Variants in EPB41L3 observed in about 807,000 individuals in gnomAD.
EPB41L3 encodes erythrocyte membrane protein band 4.1 like 3.
A neutral mutation model predicts 127.1 loss-of-function variants in EPB41L3; 57 were observed. The observed-to-expected ratio is 0.45, with a 90% CI of 0.36 to 0.56. The LOEUF (loss-of-function observed/expected upper bound fraction) is 0.56, where lower values mean the gene tolerates loss of function less well. EPB41L3 is among the 20% of genes least tolerant of loss of function. The probability of loss-of-function intolerance (pLI) is 0.00; values close to 1 mark genes in which losing one functional copy is unlikely to be tolerated. For synonymous variants in EPB41L3, 572 were observed against 549.5 expected (o/e 1.04, Z -0.57); for missense variants, 1,273 against 1,372.2 (o/e 0.93, Z 1.14).
chr18:5,469,451 C>A (rs1012345583), intron 3 of EPB41L3, among the ~76,000 whole-genome samples: 1 of 75,048 alleles, frequency 1.3e-5, no homozygotes, highest in African/African-American at 3.6e-5. Context: ...GCCAGCATGC[C>A]TGGCTGTGTG....
chr18:5,463,697 C>G (rs1408855243), intron 3 of EPB41L3: 1 of 152,208 alleles, frequency 6.6e-6, no homozygotes, highest in African/African-American at 2.4e-5. Context: ...GCCGACAACC[C>G]TAAGGAGTAT....
At chr18:5,435,182 T>A (rs2079580607) in intron 6 of EPB41L3, among the ~76,000 whole-genome samples, 1 of 152,068 alleles carries the variant, frequency 6.6e-6, no homozygotes, top group South Asian at 2.1e-4. Context: ...GTTACAAGAG[T>A]CAAAAAGTTT....
At chr18:5,481,771 A>G (rs1267043917) in intron 2 of EPB41L3, among the ~76,000 whole-genome samples, 2 of 151,476 alleles carry the variant, frequency 1.3e-5, no homozygotes, top group Non-Finnish European at 2.9e-5. Flanking sequence ...GCCATCCCAC[A>G]TTGCCAGGAT....
At chr18:5,492,687 T>C (rs1292127311) in intron 1 of EPB41L3, among the ~76,000 whole-genome samples, 1 of 152,204 alleles carries the variant, frequency 6.6e-6, no homozygotes, top group African/African-American at 2.4e-5. Flanking sequence ...TTATGCTTAG[T>C]TTTGACTGAA....
chr18:5,561,321 G>T (rs1401949884), intron 3 of EPB41L3, among the ~76,000 whole-genome samples: 1 of 152,114 alleles, frequency 6.6e-6, no homozygotes, highest in Admixed American at 6.5e-5. Flanking sequence ...TCAGCCTGGA[G>T]CATCCTTTTG....
intron 3 of EPB41L3, chr18:5,567,110 C>T (rs2094217255): frequency 6.6e-6 from 1 of 152,150 alleles, no homozygotes; most frequent in Non-Finnish European, 1.5e-5. Flanking sequence ...CCGGTGGAGA[C>T]TCAGTTTTTA....
chr18:5,499,393 G>A lies in EPB41L3; in HGVS notation c.-11-10199C>T, dbSNP rs369276125. Among the ~76,000 whole-genome samples, 29 of 152,242 alleles carry A rather than the reference G, an allele frequency of 1.9e-4. 1 individual carries two copies. In the South Asian group the frequency reaches 5.8e-3, roughly 31 times the overall value. Reference sequence around the variant, plus strand: ...TTGCTTTATGGGATCACCTACAGTTGCATGTTGCCAATATGCCACCTTATC... The same window carrying A: ...TTGCTTTATGGGATCACCTACAGTTACATGTTGCCAATATGCCACCTTATC... On this transcript the variant is annotated intron_variant, in intron 1 of 22. Transcript: ENST00000341928.
intron 3 of EPB41L3, among the ~76,000 whole-genome samples, chr18:5,459,591 T>G (rs1273541597): frequency 1.3e-5 from 2 of 152,096 alleles, no homozygotes; most frequent in Non-Finnish European, 2.9e-5. Flanking sequence ...AAAATGAAAA[T>G]TTCTGGTTAT....
At chr18:5,589,140 C>T (rs1261060737) in intron 3 of EPB41L3, among the ~76,000 whole-genome samples, 7 of 152,112 alleles carry the variant, frequency 4.6e-5, no homozygotes, top group Non-Finnish European at 4.4e-5. Context: ...ACCGTAATTT[C>T]CTCTTTCCAT....
chr18:5,437,277 C>T lies in EPB41L3; in HGVS notation c.605+758G>A, dbSNP rs569942365. Among the ~76,000 whole-genome samples, 8 of 152,236 alleles carry T rather than the reference C, an allele frequency of 5.3e-5. 1 individual carries two copies. The South Asian group carries it at 1.7e-3, about 32-fold the overall frequency. ...AAGAAAGGCTGGAGAGAGAGAGACC[C>T]CCTCACCCTTTCACCACATGAGGAC... On this transcript the variant is annotated intron_variant, in intron 6 of 22. Coordinates refer to ENST00000341928, the MANE Select transcript of EPB41L3 (RefSeq NM_012307.5).
rs964405902 is a variant in EPB41L3, at chr18:5,407,026, G to T, written c.2158-58C>A. ...ATGTTTTACATTTGTGTTCCTTTCA[G>T]CTCTTTTGTTTGCTTTAAAAGTAAT... On this transcript the variant is annotated intron_variant, in intron 15 of 22. Coordinates refer to ENST00000341928, the MANE Select transcript of EPB41L3 (RefSeq NM_012307.5). The T allele has an allele frequency of 2.0e-6, 3 of 1,520,640 alleles. No individual in the cohort carries two copies. The East Asian group carries it at 6.8e-5, about 34-fold the overall frequency. 94.2% of individuals were successfully genotyped at this position (1,520,640 alleles called of 1,614,324 possible). A position where few individuals can be genotyped will look rare whatever the true frequency, so the allele number is the denominator to read the frequency against.
chr18:5,394,693 C>A lies in EPB41L3; in HGVS notation c.3254G>T (p.Gly1085Val). Reference sequence around the variant, plus strand: ...ACCTCTTACCTCTGGTCAATCCTCTCCATCTTCTGGTGTGATCTCTGTCTC... The same window carrying A: ...ACCTCTTACCTCTGGTCAATCCTCTACATCTTCTGGTGTGATCTCTGTCTC... ...HKETEITPED[G>V]ED Residue 1085 changes from glycine to valine, a missense_variant, in exon 22 of 23, where the codon GGA (glycine) becomes GTA (valine). Coordinates refer to ENST00000341928, the MANE Select transcript of EPB41L3 (RefSeq NM_012307.5). 6.2e-7 allele frequency: 1 copy of A among 1,614,068 alleles called. No individual in the cohort carries two copies. Among genetic ancestry groups the A allele is most frequent in the South Asian group, 1.1e-5 (1 of 91,078 alleles).
chr18:5,475,379 C>T (rs894936104), intron 3 of EPB41L3, among the ~76,000 whole-genome samples: 7 of 135,854 alleles, frequency 5.2e-5, no homozygotes, highest in African/African-American at 1.8e-4. Context: ...CTTGAAACCA[C>T]ATGGGTTACC....
chr18:5,425,409 C>T (rs1987654), intron 9 of EPB41L3, among the ~76,000 whole-genome samples: 105,051 of 151,894 alleles, frequency 0.69, 37,303 homozygotes, highest in Non-Finnish European at 0.78. Flanking sequence ...AGGGACTCAG[C>T]CAAGACAGAC....
intron 1 of EPB41L3, among the ~76,000 whole-genome samples, chr18:5,527,534 C>T (rs2093270222): frequency 6.6e-6 from 1 of 152,142 alleles, no homozygotes; most frequent in South Asian, 2.1e-4. Context: ...GGGTCTATGG[C>T]AGTGAACAAA....
chr18:5,406,256 C>G (rs1280726584), intron 16 of EPB41L3, among the ~76,000 whole-genome samples: 1 of 151,244 alleles, frequency 6.6e-6, no homozygotes, highest in Non-Finnish European at 1.5e-5. Context: ...GTCTTAAAAA[C>G]AAAAAACAAA....
intron 3 of EPB41L3, among the ~76,000 whole-genome samples, chr18:5,606,637 A>G (rs1429571461): frequency 6.6e-6 from 1 of 152,180 alleles, no homozygotes; most frequent in Non-Finnish European, 1.5e-5. Context: ...TCATAGCATC[A>G]TTAATACAAT....
chr18:5,449,900 G>A (rs1397911711), intron 3 of EPB41L3, among the ~76,000 whole-genome samples: 1 of 152,194 alleles, frequency 6.6e-6, no homozygotes, highest in East Asian at 1.9e-4. Context: ...CACAGTAAGA[G>A]ATTAACAATA....
At chr18:5,434,251 G>T in intron 6 of EPB41L3, 130 bp from the exon 7 acceptor site, 1 of 666,746 alleles carries the variant, frequency 1.5e-6, no homozygotes, top group South Asian at 1.9e-5. Flanking sequence ...ATTTTCTAGC[G>T]TCTATATATT....
Sources: gnomAD v4.1 joint callset for allele counts (sites outside exome capture counted in the v4.1 genomes callset) on GRCh38, gnomAD v4.1.1 for gene constraint, MANE v1.5 for transcripts, NCBI Gene and HGNC (gene_info 2026-07-23, HGNC 2026-07-21) for gene names.